Variants in HMCN2 observed in about 807,000 individuals in gnomAD.
HMCN2 encodes the protein hemicentin 2, also known as hemicentin-2.
Under a neutral mutation model 377.5 loss-of-function variants are expected in HMCN2, and 325 were observed. The observed-to-expected ratio is 0.86, with a 90% CI of 0.79 to 0.94. HMCN2 has a LOEUF of 0.94. Among genes scored for constraint, HMCN2 ranks in the 40% least tolerant of loss-of-function variants. The pLI is 0.00. For synonymous variants in HMCN2, 2,007 were observed against 2,046.8 expected (o/e 0.98, Z 0.53); for missense variants, 4,543 against 4,725.3 (o/e 0.96, Z 1.13).
At chr9:130,291,025 T>C (rs1262639544) in intron 4 of HMCN2, among the ~76,000 whole-genome samples, 2 of 152,154 alleles carry the variant, frequency 1.3e-5, no homozygotes, top group African/African-American at 4.8e-5. Context: ...TTAAAACCCA[T>C]ATTCATGGCA....
At position 130,348,551 on chromosome 9, in the gene HMCN2, C is replaced by G; in HGVS notation, c.4031C>G (p.Pro1344Arg). 1 of 1,304,026 alleles carries G rather than the reference C, an allele frequency of 7.7e-7. No individual in the cohort carries two copies. Among genetic ancestry groups the G allele is most frequent in the Non-Finnish European group, 1.0e-6 (1 of 988,866 alleles). 80.8% of individuals were successfully genotyped at this position (1,304,026 alleles called of 1,614,324 possible). A position where few individuals can be genotyped will look rare whatever the true frequency, so the allele number is the denominator to read the frequency against. ...GGCTCTCCTTGCCCCCAAGTGCCCC[C>G]CAGCATCCGGGAGGACGGGCGCAAG... Reference protein sequence around the residue: ...RRAKLVVYVPPSIREDGRKAN... With the variant: ...RRAKLVVYVPRSIREDGRKAN... Residue 1344 changes from proline (P) to arginine (R), a missense_variant, in exon 27 of 98, where the codon CCC becomes CGC. Pro to Arg is a moderately radical substitution (Grantham distance 103, BLOSUM62 -2). Coordinates refer to ENST00000683500, the MANE Select transcript of HMCN2 (RefSeq NM_001291815.2).
intron 90 of HMCN2, among the ~76,000 whole-genome samples, chr9:130,426,684 T>C (rs1844393027): frequency 6.6e-6 from 1 of 152,178 alleles, no homozygotes; most frequent in Admixed American, 6.5e-5. Context: ...ACAGGCCGCA[T>C]GCCACCCAGA....
chr9:130,386,374 C>A, intron 60 of HMCN2, 69 bp from the exon 61 acceptor site: 1 of 1,040,872 alleles, frequency 9.6e-7, no homozygotes, highest in South Asian at 1.4e-5. Context: ...GGCCTAGATG[C>A]TTTTGGGGAG....
chr9:130,429,067 C>T (rs1261825248), intron 93 of HMCN2: 3 of 182,810 alleles, frequency 1.6e-5, no homozygotes, highest in Non-Finnish European at 3.4e-5. Flanking sequence ...GATCAGCCAT[C>T]GCACCTCTGT....
Position 130,286,619 on chromosome 9 carries a change from G to C in HMCN2, c.612+309G>C, listed in dbSNP as rs548009914. The stretch of plus-strand genomic sequence containing the variant: ...TGACGCAGCCCCTTGGGATGGCCTG[G>C]GTTCAGCAGTTGGTCCAGGCTGACA... On this transcript the variant is annotated intron_variant, in intron 4 of 97. Transcript: ENST00000683500. Among the ~76,000 whole-genome samples the C allele has an allele frequency of 2.6e-5, 4 of 152,356 alleles. No individual in the cohort carries two copies. The East Asian group carries it at 7.7e-4, about 29-fold the overall frequency.
In HMCN2 at chr9:130,396,023, G is replaced by A. The variant is rs1242792011; in HGVS notation, c.11011G>A (p.Ala3671Thr). The part of the protein sequence containing the change: ...SGDYSCTARN[A>T]AGSTSVAFRV... ...CGACTACAGCTGCACAGCCCGCAAC[G>A]CCGCAGGCAGCACTAGTGTCGCCTT... is the stretch of plus-strand genomic sequence containing the variant. Residue 3671 changes from alanine (A) to threonine (T), a missense_variant, in exon 72 of 98, where the codon GCC becomes ACC. Transcript: ENST00000683500. 8 of 1,287,086 alleles carry A rather than the reference G, an allele frequency of 6.2e-6. No homozygotes were observed. The highest frequency in any genetic ancestry group is 1.1e-4 in the East Asian group (2 of 18,020). The allele number at this position is 1,287,086 out of a possible 1,614,324, so 79.7% of individuals were successfully genotyped here.
In HMCN2 at chr9:130,368,273, C is replaced by G. The variant is rs1840804590; in HGVS notation, c.6626-3C>G. On this transcript the variant is annotated splice_polypyrimidine_tract_variant and splice_region_variant and intron_variant, in intron 43 of 97. Transcript: ENST00000683500. ...CCAGGAGTTTCTTTTTTCCTGCACC[C>G]AGGTCAACCCCTCCCCGGGGAGGGG... is the stretch of plus-strand genomic sequence containing the variant. 1 of 985,500 alleles carries G rather than the reference C, an allele frequency of 1.0e-6. No individual in the cohort carries two copies. Among genetic ancestry groups the G allele is most frequent in the South Asian group, 4.7e-5 (1 of 21,282 alleles). The allele number at this position is 985,500 out of a possible 1,614,324, so 61.0% of individuals were successfully genotyped here. A position where few individuals can be genotyped will look rare whatever the true frequency, so the allele number is the denominator to read the frequency against.
intron 59 of HMCN2, 53 bp downstream of exon 59, chr9:130,384,851 C>CTCAGCCCA: frequency 8.7e-7 from 1 of 1,150,578 alleles, no homozygotes; most frequent in South Asian, 1.3e-5. Context: ...TCAGTCACCC[C>CTCAGCCCA]TCAGCCCATA....
In HMCN2 at chr9:130,403,777, G is replaced by A. The variant is rs542761640; in HGVS notation, c.12050G>A (p.Arg4017Gln). 4.7e-5 allele frequency: 60 copies of A among 1,289,822 alleles called. No individual in the cohort carries two copies. Among genetic ancestry groups the A allele is most frequent in the African/African-American group, 9.1e-5 (6 of 65,978 alleles). The allele number at this position is 1,289,822 out of a possible 1,614,324, so 79.9% of individuals were successfully genotyped here. A position where few individuals can be genotyped will look rare whatever the true frequency, so the allele number is the denominator to read the frequency against. The change falls in exon 80 of 98, where the codon CGG becomes CAG. Residue 4017 changes from arginine to glutamine, a missense_variant. Physicochemically the swap from Arg to Gln is conservative, Grantham distance 43. Around this residue, in one of 5 missense-constraint regions of HMCN2, gnomAD observed 1,073 missense variants for 1,319.5 expected, o/e 0.81. Coordinates refer to ENST00000683500, the MANE Select transcript of HMCN2 (RefSeq NM_001291815.2). ...CAGGTCCTACCAGGCGGACAGCTGC[G>A]GATTGCCCATGCCAGCCCAGAGGAT... ...STQVLPGGQL[R>Q]IAHASPEDAG... is the part of the protein sequence containing the mutation.
chr9:130,319,246 C>A (rs1837722815), intron 15 of HMCN2, among the ~76,000 whole-genome samples: 1 of 152,150 alleles, frequency 6.6e-6, no homozygotes, highest in Non-Finnish European at 1.5e-5. Flanking sequence ...TCCCCTGCAC[C>A]TCTGGGGTAA....
intron 1 of HMCN2, among the ~76,000 whole-genome samples, chr9:130,275,294 G>A (rs1006817601): frequency 6.6e-6 from 1 of 152,136 alleles, no homozygotes; most frequent in Admixed American, 6.5e-5. Context: ...AGTGGCTTTC[G>A]CCGGTCAGAG....
At chr9:130,397,423 C>A in intron 73 of HMCN2, 105 bp from the exon 74 acceptor site, 1 of 1,093,396 alleles carries the variant, frequency 9.1e-7, no homozygotes, top group Non-Finnish European at 1.2e-6. Flanking sequence ...TATCAGCATC[C>A]TCTCACTGGG....
At chr9:130,300,112 TACCCATTCATGCATCCATCCACTC>T (rs1554933851) in intron 8 of HMCN2, among the ~76,000 whole-genome samples, 4 of 142,104 alleles carry the variant, frequency 2.8e-5, no homozygotes, top group Non-Finnish European at 6.2e-5. Flanking sequence ...CCCATCCATC[TACCCATTCATGCATCCATCCACTC>T]ACCCATTCAT....
At chr9:130,312,935 T>C (rs1837347543) in intron 15 of HMCN2, among the ~76,000 whole-genome samples, 1 of 152,028 alleles carries the variant, frequency 6.6e-6, no homozygotes, top group Admixed American at 6.5e-5. Context: ...GCTGGGATTA[T>C]AGGCATGAGC....
At chr9:130,268,121 G>C (rs10988666) in intron 1 of HMCN2, among the ~76,000 whole-genome samples, 62,700 of 151,976 alleles carry the variant, frequency 0.41, 13,806 homozygotes, top group East Asian at 0.89. Context: ...CAGCAGGATA[G>C]CAGCCTTTCA....
chr9:130,392,032 G>T lies in HMCN2; in HGVS notation c.10050G>T (p.Pro3350=), dbSNP rs952899174. Residue 3350 remains proline (P), a synonymous_variant, in exon 66 of 98, where the codon CCG becomes CCT. Coordinates refer to ENST00000683500, the MANE Select transcript of HMCN2 (RefSeq NM_001291815.2). ...VTMVCPVRGS[P]PIHVSWLKDG... ...TGGTGTGCCCTGTGCGGGGCTCCCC[G>T]CCCATCCACGTGAGCTGGCTCAAGG... The T allele has an allele frequency of 4.0e-6, 4 of 988,354 alleles. No homozygotes were observed. Among genetic ancestry groups the T allele is most frequent in the Non-Finnish European group, 4.8e-6 (4 of 830,382 alleles). The allele number at this position is 988,354 out of a possible 1,614,324, so 61.2% of individuals were successfully genotyped here.
chr9:130,415,466 A>G (rs544641232), intron 85 of HMCN2, among the ~76,000 whole-genome samples: 2 of 152,188 alleles, frequency 1.3e-5, no homozygotes, highest in East Asian at 3.9e-4. Flanking sequence ...CAGCCTCCCA[A>G]GTAGCTGGGA....
chr9:130,313,600 A>AC (rs878874680), intron 15 of HMCN2, among the ~76,000 whole-genome samples: 55,678 of 148,314 alleles, frequency 0.38, 11,608 homozygotes, highest in Non-Finnish European at 0.49. Context: ...GCATGTGGGC[A>AC]CCCCCCCCCA....
intron 95 of HMCN2, 163 bp downstream of exon 95, chr9:130,430,767 C>T (rs12352230): frequency 0.05 from 33,158 of 659,310 alleles, 1,247 homozygotes; most frequent in African/African-American, 0.16. Context: ...CAGGGTGTCT[C>T]AGAGCCTTGG....
Sources: gnomAD v4.1 joint callset for allele counts (sites outside exome capture counted in the v4.1 genomes callset) on GRCh38, gnomAD v4.1.1 for gene constraint, gnomAD v4.1.1 regional missense constraint, MANE v1.5 for transcripts, NCBI Gene and HGNC (gene_info 2026-07-23, HGNC 2026-07-21) for gene names.